Variants in GPR137C observed in about 807,000 individuals in gnomAD.
GPR137C encodes integral membrane protein GPR137C.
GPR137C carries 27 observed loss-of-function variants against 43.4 expected under a neutral mutation model. That is an observed-to-expected ratio of 0.62 (90% CI 0.46 to 0.86). The LOEUF (loss-of-function observed/expected upper bound fraction) is 0.86. Among genes scored for constraint, GPR137C ranks in the 40% least tolerant of loss-of-function variants. The probability of loss-of-function intolerance (pLI) is 0.00; values close to 1 mark genes in which losing one functional copy is unlikely to be tolerated. For missense variants in GPR137C, 522 were observed against 534.6 expected, an observed-to-expected ratio of 0.98 and a Z score of 0.23; for synonymous variants, 285 against 226.9, an observed-to-expected ratio of 1.26 and a Z score of -2.30.
rs766305402 is a variant in GPR137C, at chr14:52,553,631, C to T, written c.444+40C>T. On this transcript the variant is annotated intron_variant, in intron 1 of 6. Transcript: ENST00000321662. ...CCGGCATGCGGGGCCCGGGCGGGTG[C>T]GCGGGGCCGCCGGGATCAACTCCCG... is the stretch of plus-strand genomic sequence containing the variant. The T allele has an allele frequency of 3.5e-6, 5 of 1,435,562 alleles. No individual in the cohort carries two copies. The South Asian group carries it at 5.6e-5, about 16-fold the overall frequency. The allele number at this position is 1,435,562 out of a possible 1,614,324, so 88.9% of individuals were successfully genotyped here.
rs1175798981 is a variant in GPR137C, at chr14:52,567,356, CTAAAAT to C, written c.444+13769_444+13774del. 6.6e-5 allele frequency among the ~76,000 whole-genome samples: 10 copies of C among 152,266 alleles called. No individual in the cohort carries two copies. The South Asian group carries it at 8.3e-4, about 13-fold the overall frequency. ...TTTAGAAAAAAAGAAAAGAGCATCT[CTAAAAT>C]TAAGATTTTCCTCTGCCACCTTTCT... On this transcript the variant is annotated intron_variant, in intron 1 of 6. Coordinates refer to ENST00000321662, the MANE Select transcript of GPR137C (RefSeq NM_001099652.2).
chr14:52,616,136 A>G (rs1351530997), intron 3 of GPR137C, among the ~76,000 whole-genome samples: 3 of 152,214 alleles, frequency 2.0e-5, no homozygotes, highest in East Asian at 1.9e-4. Context: ...TTTAACAAAA[A>G]TCAAGAAAAT....
chr14:52,592,362 G>A (rs1262307936), intron 1 of GPR137C, among the ~76,000 whole-genome samples: 2 of 152,184 alleles, frequency 1.3e-5, no homozygotes, highest in South Asian at 4.1e-4. Flanking sequence ...TTCCAATTCT[G>A]TGAAGAAAGT....
intron 1 of GPR137C, among the ~76,000 whole-genome samples, chr14:52,570,735 C>T (rs1038165926): frequency 6.6e-6 from 1 of 152,014 alleles, no homozygotes; most frequent in African/African-American, 2.4e-5. Context: ...CAACAAAGAT[C>T]AAAAAGGACA....
intron 1 of GPR137C, among the ~76,000 whole-genome samples, chr14:52,586,654 C>G (rs1463817132): frequency 6.6e-6 from 1 of 152,180 alleles, no homozygotes; most frequent in Non-Finnish European, 1.5e-5. Context: ...GGTTGACTCT[C>G]ATTCTACACT....
intron 1 of GPR137C, among the ~76,000 whole-genome samples, chr14:52,564,634 CTCT>C (rs2038338742): frequency 1.3e-5 from 2 of 152,058 alleles, no homozygotes; most frequent in Admixed American, 1.3e-4. Flanking sequence ...CATTATGCTG[CTCT>C]TCTTCATATC....
chr14:52,610,985 T>G (rs953006944), intron 3 of GPR137C, among the ~76,000 whole-genome samples: 16 of 152,232 alleles, frequency 1.1e-4, no homozygotes, highest in African/African-American at 3.9e-4. Flanking sequence ...TATGTTTGTT[T>G]GCTTATTAAT....
rs967872157 is a variant in GPR137C at position 52,598,268 on chromosome 14, A to G, written c.445-4A>G. ...AAAATTTTTTTTTTATATTCTCTTT[A>G]TAGGTTATATGTAAAGTCAGATGTG... On this transcript the variant is annotated splice_region_variant and splice_polypyrimidine_tract_variant and intron_variant, in intron 1 of 6. Coordinates refer to ENST00000321662, the MANE Select transcript of GPR137C (RefSeq NM_001099652.2). 10 of 1,303,968 alleles carry G rather than the reference A, an allele frequency of 7.7e-6. No homozygotes were observed. In the Admixed American group the frequency reaches 1.5e-4, roughly 19 times the overall value. The allele number at this position is 1,303,968 out of a possible 1,614,324, so 80.8% of individuals were successfully genotyped here.
intron 1 of GPR137C, among the ~76,000 whole-genome samples, chr14:52,565,166 C>T (rs904048396): frequency 6.6e-6 from 1 of 152,154 alleles, no homozygotes; most frequent in African/African-American, 2.4e-5. Flanking sequence ...AATGAGAAAT[C>T]TACTTTTTAA....
At chr14:52,560,531 G>C (rs1268281859) in intron 1 of GPR137C, among the ~76,000 whole-genome samples, 1 of 152,176 alleles carries the variant, frequency 6.6e-6, no homozygotes, top group Non-Finnish European at 1.5e-5. Context: ...CAGTAATCAA[G>C]AGAGTGTAAT....
rs527730616 is a variant in GPR137C, at chr14:52,633,821, T to C, written c.994-7T>C. Reference sequence around the variant, plus strand: ...CCTTCATATGCTATCTAATACTTTGTTCACAGGCACCTGCTGGCATGATAA... The same window carrying C: ...CCTTCATATGCTATCTAATACTTTGCTCACAGGCACCTGCTGGCATGATAA... On this transcript the variant is annotated splice_region_variant and splice_polypyrimidine_tract_variant and intron_variant, in intron 5 of 6. Coordinates refer to ENST00000321662, the MANE Select transcript of GPR137C (RefSeq NM_001099652.2). The C allele has an allele frequency of 6.3e-7, 1 of 1,597,198 alleles. No homozygotes were observed. Among genetic ancestry groups the C allele is most frequent in the East Asian group, 2.2e-5 (1 of 44,798 alleles).
chr14:52,598,876 T>C (rs572436343), intron 2 of GPR137C, among the ~76,000 whole-genome samples: 1 of 152,348 alleles, frequency 6.6e-6, no homozygotes, highest in South Asian at 2.1e-4. Context: ...ACTGTTTTTA[T>C]TATTTAATCT....
At chr14:52,602,250 T>C (rs1411353662) in intron 3 of GPR137C, among the ~76,000 whole-genome samples, 2 of 152,010 alleles carry the variant, frequency 1.3e-5, no homozygotes, top group African/African-American at 4.8e-5. Context: ...TAGTCATTCC[T>C]TTTATTCAAT....
intron 3 of GPR137C, chr14:52,612,592 C>A: frequency 1.3e-6 from 1 of 788,936 alleles, no homozygotes; most frequent in Non-Finnish European, 1.5e-6. Context: ...GACACATTCT[C>A]ACTGTGTCAC....
At chr14:52,597,008 A>G (rs547409029) in intron 1 of GPR137C, 8 of 455,376 alleles carry the variant, frequency 1.8e-5, no homozygotes, top group Admixed American at 9.4e-5. Context: ...TGCATTTCTC[A>G]GAACATATAT....
intron 3 of GPR137C, among the ~76,000 whole-genome samples, chr14:52,625,448 C>T (rs2039211773): frequency 7.1e-6 from 1 of 139,888 alleles, no homozygotes; most frequent in African/African-American, 2.7e-5. Flanking sequence ...CACTACTGCA[C>T]TCCAGCCTGG....
rs142716677 is a variant in GPR137C, at chr14:52,562,403, A to G, written c.444+8812A>G. 1.9e-4 allele frequency among the ~76,000 whole-genome samples: 29 copies of G among 152,338 alleles called. No homozygotes were observed. In the East Asian group the frequency reaches 5.4e-3, roughly 28 times the overall value. On this transcript the variant is annotated intron_variant, in intron 1 of 6. Transcript: ENST00000321662. ...TGTTGGCTATTATTAAATTTTAAAT[A>G]ACTGGGATTTCATAGTCTACATTCT... is the stretch of plus-strand genomic sequence containing the variant.
In GPR137C at chr14:52,632,186, C is replaced by T. The variant is rs1239353914; in HGVS notation, c.744C>T (p.Val248=). ...SKGMSLCQTV[V]VGSVVILLYS... ...GTATGTCTCTGTGCCAGACTGTCGT[C>T]GTGGGCTCTGTAGTCATTCTTCTGT... is the stretch of plus-strand genomic sequence containing the variant. The change falls in exon 4 of 7, where the codon GTC becomes GTT. Residue 248 remains valine (V), a synonymous_variant. Transcript: ENST00000321662. The T allele has an allele frequency of 6.2e-7, 1 of 1,606,220 alleles. No individual in the cohort carries two copies. Among genetic ancestry groups the T allele is most frequent in the African/African-American group, 1.3e-5 (1 of 74,892 alleles).
intron 3 of GPR137C, among the ~76,000 whole-genome samples, chr14:52,631,227 A>G (rs997793167): frequency 3.9e-5 from 6 of 152,180 alleles, no homozygotes; most frequent in African/African-American, 1.4e-4. Flanking sequence ...AGGACATTAG[A>G]AAGTTATCAA....
Sources: allele counts gnomAD v4.1 joint callset (sites outside exome capture counted in the v4.1 genomes callset), GRCh38; gene constraint gnomAD v4.1.1; transcripts MANE v1.5; gene names NCBI Gene and HGNC (gene_info 2026-07-23, HGNC 2026-07-21).